SHISA6: variants seen among roughly 807,000 people sequenced by gnomAD.
The protein encoded by SHISA6 is shisa family member 6.
In SHISA6, 22 loss-of-function variants were observed where a neutral mutation model predicts 47.9. That is an observed-to-expected ratio of 0.46 (90% CI 0.33 to 0.66). The LOEUF (loss-of-function observed/expected upper bound fraction) is 0.66. Ranked by LOEUF, SHISA6 falls within the 30% of genes least tolerant of loss-of-function variation. The probability of loss-of-function intolerance (pLI) is 0.02; values close to 1 mark genes in which losing one functional copy is unlikely to be tolerated. For synonymous variants in SHISA6, 388 were observed against 337.8 expected, an observed-to-expected ratio of 1.15 and a Z score of -1.63; for missense variants, 680 against 764.6, an observed-to-expected ratio of 0.89 and a Z score of 1.30.
chr17:11,434,189 G>A (rs973168496), intron 3 of SHISA6, among the ~76,000 whole-genome samples: 1 of 150,970 alleles, frequency 6.6e-6, no homozygotes, highest in Admixed American at 6.6e-5. Context: ...TCAGCCTCCT[G>A]AGTAGCTGGG....
At chr17:11,436,439 AC>A (rs913769962) in intron 3 of SHISA6, among the ~76,000 whole-genome samples, 2 of 152,234 alleles carry the variant, frequency 1.3e-5, no homozygotes, top group African/African-American at 4.8e-5. Flanking sequence ...TATCAGCTGT[AC>A]AGTTATATTA....
At chr17:11,504,767 T>C (rs891121615) in intron 3 of SHISA6, among the ~76,000 whole-genome samples, 6 of 152,074 alleles carry the variant, frequency 3.9e-5, no homozygotes, top group African/African-American at 1.4e-4. Flanking sequence ...AGATTCCTCA[T>C]GGGAAGGGGA....
At chr17:11,288,665 C>G (rs768951835) in intron 2 of SHISA6, 2 of 152,158 alleles carry the variant, frequency 1.3e-5, no homozygotes, top group South Asian at 2.1e-4. Flanking sequence ...TTCTACTTTA[C>G]ACAGTATTCC....
chr17:11,348,441 G>A (rs902990633), intron 2 of SHISA6, among the ~76,000 whole-genome samples: 3 of 151,890 alleles, frequency 2.0e-5, no homozygotes, highest in Non-Finnish European at 2.9e-5. Flanking sequence ...ATGAGCTAAC[G>A]GCACTTGTCA....
chr17:11,262,772 CT>C (rs1387069652), intron 1 of SHISA6, among the ~76,000 whole-genome samples: 1 of 152,220 alleles, frequency 6.6e-6, no homozygotes, highest in Non-Finnish European at 1.5e-5. Flanking sequence ...TGATTGCTCC[CT>C]CCTCTAAACT....
In SHISA6 at chr17:11,248,237, C is replaced by G. The variant is rs1012856537; in HGVS notation, c.638+6177C>G. The stretch of plus-strand genomic sequence containing the variant: ...GCTAACTCTATTTTTTTTAATCTCT[C>G]GAAGTGAAACCAGAACTTCTGAAAA... On this transcript the variant is annotated intron_variant, in intron 1 of 5. Coordinates refer to ENST00000441885, the MANE Select transcript of SHISA6 (RefSeq NM_207386.4). 3.3e-5 allele frequency among the ~76,000 whole-genome samples: 5 copies of G among 152,100 alleles called. No homozygotes were observed. In the East Asian group the frequency reaches 7.7e-4, roughly 23 times the overall value.
intron 3 of SHISA6, among the ~76,000 whole-genome samples, chr17:11,432,818 A>G (rs1914823232): frequency 6.6e-6 from 1 of 152,162 alleles, no homozygotes; most frequent in Non-Finnish European, 1.5e-5. Flanking sequence ...CACGTATTGT[A>G]TGATTCCATT....
At chr17:11,481,289 T>C (rs1003069659) in intron 3 of SHISA6, among the ~76,000 whole-genome samples, 1 of 151,124 alleles carries the variant, frequency 6.6e-6, no homozygotes, top group African/African-American at 2.4e-5. Context: ...AAAATATATA[T>C]ATATATACAC....
intron 2 of SHISA6, among the ~76,000 whole-genome samples, chr17:11,307,043 AC>A (rs1410325964): frequency 6.6e-6 from 1 of 151,810 alleles, no homozygotes; most frequent in African/African-American, 2.4e-5. Context: ...GTTTCTCGCA[AC>A]CCCCCAGTGG....
At chr17:11,337,237 G>A (rs542324805) in intron 2 of SHISA6, among the ~76,000 whole-genome samples, 1 of 152,274 alleles carries the variant, frequency 6.6e-6, no homozygotes, top group South Asian at 2.1e-4. Flanking sequence ...CAAATGGTTG[G>A]GAGGAAAAGC....
At position 11,563,018 on chromosome 17, in the gene SHISA6, T is replaced by TGGAATTCTGG. The variant is rs2072059940; in HGVS notation, c.*4724_*4733dup. ...ACACCTAAACCATCCTAAGTGACTGTGGAATTCTGGGGAATTCTGAGTTTG... is the reference window on the plus strand; with the variant it reads ...ACACCTAAACCATCCTAAGTGACTGTGGAATTCTGGGGAATTCTGGGGAATTCTGAGTTTG... On this transcript the variant is annotated 3_prime_UTR_variant, in exon 6 of 6. Transcript: ENST00000441885. 1 of 137,738 alleles carries TGGAATTCTGG rather than the reference T, an allele frequency of 7.3e-6. No homozygotes were observed. The highest frequency in any genetic ancestry group is 1.5e-5 in the Non-Finnish European group (1 of 67,962). The allele number at this position is 137,738 out of a possible 1,614,324, so 8.5% of individuals were successfully genotyped here.
rs558672828 is a variant in SHISA6, at chr17:11,474,945, G to C, written c.896-76951G>C. 2.2e-4 allele frequency among the ~76,000 whole-genome samples: 34 copies of C among 152,196 alleles called. No homozygotes were observed. The South Asian group carries it at 6.6e-3, about 30-fold the overall frequency. On this transcript the variant is annotated intron_variant, in intron 3 of 5. Coordinates refer to ENST00000441885, the MANE Select transcript of SHISA6 (RefSeq NM_207386.4). ...CTATAGATCAAGTTGGGAAGAACTG[G>C]TATTTTGACATTATTGAATCTATCC...
At chr17:11,389,774 G>A (rs114378161) in intron 3 of SHISA6, among the ~76,000 whole-genome samples, 43 of 152,276 alleles carry the variant, frequency 2.8e-4, no homozygotes, top group African/African-American at 9.9e-4. Flanking sequence ...TCTTGGCACT[G>A]AGTGGTCATC....
chr17:11,490,664 G>A (rs1445199070), intron 3 of SHISA6, among the ~76,000 whole-genome samples: 4 of 152,176 alleles, frequency 2.6e-5, no homozygotes, highest in African/African-American at 9.7e-5. Context: ...AAGGAGGAAG[G>A]GCAGGCTGGC....
intron 3 of SHISA6, among the ~76,000 whole-genome samples, chr17:11,526,116 C>A (rs1311970111): frequency 6.6e-6 from 1 of 151,914 alleles, no homozygotes; most frequent in Non-Finnish European, 1.5e-5. Context: ...GGGGACCCCC[C>A]CCCGCTCTCT....
intron 3 of SHISA6, among the ~76,000 whole-genome samples, chr17:11,512,596 A>G (rs754071923): frequency 7.9e-5 from 12 of 152,192 alleles, no homozygotes; most frequent in Non-Finnish European, 1.6e-4. Flanking sequence ...GTAACTTTAT[A>G]TTATTGCAAC....
chr17:11,309,078 C>A (rs747777682), intron 2 of SHISA6, among the ~76,000 whole-genome samples: 1 of 152,202 alleles, frequency 6.6e-6, no homozygotes, highest in Non-Finnish European at 1.5e-5. Context: ...AATCCTCCTC[C>A]CTCAGCCTCC....
chr17:11,323,003 C>T (rs914328971), intron 2 of SHISA6, among the ~76,000 whole-genome samples: 9 of 152,286 alleles, frequency 5.9e-5, no homozygotes, highest in African/African-American at 2.2e-4. Flanking sequence ...GAGTGATTCA[C>T]TCTGACATTG....
intron 3 of SHISA6, among the ~76,000 whole-genome samples, chr17:11,547,307 T>C (rs2071891305): frequency 6.6e-6 from 1 of 152,234 alleles, no homozygotes; most frequent in African/African-American, 2.4e-5. Flanking sequence ...AAATTGATTG[T>C]ATATTAGTCC....
Sources: allele counts gnomAD v4.1 joint callset (sites outside exome capture counted in the v4.1 genomes callset), GRCh38; gene constraint gnomAD v4.1.1; transcripts MANE v1.5; gene names NCBI Gene and HGNC (gene_info 2026-07-23, HGNC 2026-07-21).